Variants in EYS observed in about 807,000 individuals in gnomAD.
The protein encoded by EYS is protein eyes shut homolog.
In EYS, 250 loss-of-function variants were observed where a neutral mutation model predicts 282.1. The observed-to-expected ratio is 0.89, with a 90% confidence interval of 0.80 to 0.98. The LOEUF is 0.98. Ranked by LOEUF, EYS falls within the 50% of genes least tolerant of loss-of-function variation. EYS has a pLI of 0.00. For missense variants in EYS, 4,016 were observed against 3,709.0 expected, an observed-to-expected ratio of 1.08 and a Z score of -2.15; for synonymous variants, 1,355 against 1,282.9, an observed-to-expected ratio of 1.06 and a Z score of -1.20.
Position 65,295,875 on chromosome 6 carries a change from G to C in EYS, c.2011C>G (p.Pro671Ala). 1 of 1,544,578 alleles carries C rather than the reference G, an allele frequency of 6.5e-7. No individual in the cohort carries two copies. Among genetic ancestry groups the C allele is most frequent in the Non-Finnish European group, 8.7e-7 (1 of 1,144,180 alleles). The change falls in exon 12 of 43, where the codon CCA (proline) becomes GCA (alanine). Residue 671 changes from proline to alanine, a missense_variant. Coordinates refer to ENST00000503581, the MANE Select transcript of EYS (RefSeq NM_001142800.2). Reference protein sequence around the residue: ...LRGYFFRKCVPGFKGTQCEID... With the variant: ...LRGYFFRKCVAGFKGTQCEID... ...AAAAAAAACTTGCCTTTAAATCCTG[G>C]GACACACTTGCGGAAGAAATATCCC...
chr6:65,339,680 G>C (rs540261827), intron 10 of EYS, among the ~76,000 whole-genome samples: 1 of 151,212 alleles, frequency 6.6e-6, no homozygotes, highest in South Asian at 2.1e-4. Flanking sequence ...AGAAGAGTTT[G>C]ATCAATGAAA....
chr6:64,660,557 A>C (rs1266769833), intron 22 of EYS, among the ~76,000 whole-genome samples: 1 of 152,198 alleles, frequency 6.6e-6, no homozygotes, highest in African/African-American at 2.4e-5. Flanking sequence ...TACAAAAGCC[A>C]TGTGCAAAAA....
intron 7 of EYS, among the ~76,000 whole-genome samples, chr6:65,401,195 G>A (rs948180208): frequency 6.6e-6 from 1 of 151,642 alleles, no homozygotes; most frequent in African/African-American, 2.4e-5. Flanking sequence ...AAGTCAAGTC[G>A]TTTTTATTTT....
At chr6:64,429,249 G>T (rs1774506750) in intron 28 of EYS, among the ~76,000 whole-genome samples, 3 of 152,100 alleles carry the variant, frequency 2.0e-5, no homozygotes, top group African/African-American at 4.8e-5. Flanking sequence ...GATGGGAAAT[G>T]TCCTACTTTT....
intron 28 of EYS, among the ~76,000 whole-genome samples, chr6:64,394,790 T>C (rs1174579430): frequency 6.6e-6 from 1 of 151,970 alleles, no homozygotes; most frequent in Non-Finnish European, 1.5e-5. Flanking sequence ...TGGGATCTAA[T>C]TAAACTAAAG....
chr6:64,502,134 T>A (rs1777066306), intron 26 of EYS, among the ~76,000 whole-genome samples: 1 of 152,216 alleles, frequency 6.6e-6, no homozygotes, highest in South Asian at 2.1e-4. Flanking sequence ...TTTGGGTTAA[T>A]GGCTCCCTTA....
chr6:65,535,460 T>C (rs142691177), intron 2 of EYS, among the ~76,000 whole-genome samples: 5 of 152,214 alleles, frequency 3.3e-5, no homozygotes, highest in East Asian at 1.9e-4. Flanking sequence ...CCTGCTGCCA[T>C]GTAAGATGTG....
intron 2 of EYS, among the ~76,000 whole-genome samples, chr6:65,598,245 C>G (rs1006796145): frequency 1.1e-5 from 1 of 90,654 alleles, no homozygotes; most frequent in African/African-American, 4.3e-5. Flanking sequence ...CCCACCCCCC[C>G]CCCAAAAAAA....
intron 31 of EYS, among the ~76,000 whole-genome samples, chr6:64,201,154 C>A (rs1017397545): frequency 6.6e-6 from 1 of 152,064 alleles, no homozygotes; most frequent in Non-Finnish European, 1.5e-5. Flanking sequence ...GATAACTTCA[C>A]AGAATTATCC....
At chr6:65,468,045 C>T (rs1765073029) in intron 5 of EYS, among the ~76,000 whole-genome samples, 1 of 152,118 alleles carries the variant, frequency 6.6e-6, no homozygotes, top group Admixed American at 6.6e-5. Flanking sequence ...TCAAACTAGA[C>T]TCTCAGTGGT....
chr6:64,363,645 A>G (rs780224515), intron 29 of EYS, among the ~76,000 whole-genome samples: 5 of 151,940 alleles, frequency 3.3e-5, no homozygotes, highest in Non-Finnish European at 7.4e-5. Flanking sequence ...TGTCGTCAAT[A>G]CACGTTTACT....
At chr6:64,958,760 A>AAAAAAAAAAAAAAAAAAAAAG in intron 14 of EYS, among the ~76,000 whole-genome samples, 3 of 148,800 alleles carry the variant, frequency 2.0e-5, no homozygotes, top group African/African-American at 7.4e-5. Flanking sequence ...AAAAAAAAAA[A>AAAAAAAAAAAAAAAAAAAAAG]AAAGAAACAA....
intron 22 of EYS, among the ~76,000 whole-genome samples, chr6:64,656,883 G>A (rs1032566987): frequency 2.6e-5 from 4 of 152,136 alleles, no homozygotes; most frequent in African/African-American, 7.2e-5. Context: ...TAGGATGAGA[G>A]GAGTAGGAGT....
At chr6:64,800,050 C>T (rs1337464533) in intron 22 of EYS, among the ~76,000 whole-genome samples, 1 of 151,860 alleles carries the variant, frequency 6.6e-6, no homozygotes, top group Non-Finnish European at 1.5e-5. Context: ...TTCTGCTGAA[C>T]TGAAAAATTT....
chr6:64,283,459 G>T (rs541573194), intron 30 of EYS, among the ~76,000 whole-genome samples: 16 of 152,206 alleles, frequency 1.1e-4, no homozygotes, highest in Admixed American at 2.6e-4. Context: ...TCAAAGCTTA[G>T]AACATGACTG....
intron 12 of EYS, among the ~76,000 whole-genome samples, chr6:65,103,005 T>C (rs1312893609): frequency 1.3e-5 from 2 of 151,424 alleles, no homozygotes; most frequent in Non-Finnish European, 3.0e-5. Flanking sequence ...TTTGTTTTTC[T>C]TGTTTTAACA....
chr6:64,839,135 C>T (rs902271132), intron 19 of EYS, among the ~76,000 whole-genome samples: 9 of 151,778 alleles, frequency 5.9e-5, no homozygotes, highest in Non-Finnish European at 1.3e-4. Flanking sequence ...TGAGATCTGC[C>T]CTTATTTCTG....
chr6:64,810,588 T>G (rs535222687), intron 22 of EYS, among the ~76,000 whole-genome samples: 14 of 152,204 alleles, frequency 9.2e-5, no homozygotes, highest in African/African-American at 3.1e-4. Flanking sequence ...CCTTTTTTGT[T>G]TATTTGTGTA....
At chr6:65,337,013 T>C (rs1770013883) in intron 10 of EYS, among the ~76,000 whole-genome samples, 2 of 151,528 alleles carry the variant, frequency 1.3e-5, no homozygotes, top group Non-Finnish European at 3.0e-5. Flanking sequence ...TTCTTTTTGG[T>C]TTTGGTTCAT....
Sources: allele counts gnomAD v4.1 joint callset (sites outside exome capture counted in the v4.1 genomes callset), GRCh38; gene constraint gnomAD v4.1.1; transcripts MANE v1.5; gene names NCBI Gene and HGNC (gene_info 2026-07-23, HGNC 2026-07-21).